KDM1B: variants seen among roughly 807,000 people sequenced by gnomAD.
The protein encoded by KDM1B is lysine demethylase 1B, also known as lysine-specific histone demethylase 2.
In KDM1B, 63 loss-of-function variants were observed where a neutral mutation model predicts 107.4. The observed-to-expected ratio is 0.59, with a 90% CI of 0.48 to 0.72. The LOEUF is 0.72. Ranked by LOEUF, KDM1B falls within the 30% of genes least tolerant of loss-of-function variation. KDM1B has a pLI of 0.00. For missense variants in KDM1B, 749 were observed against 1,020.8 expected, an observed-to-expected ratio of 0.73 and a Z score of 3.63; for synonymous variants, 363 against 363.9, an observed-to-expected ratio of 1.00 and a Z score of 0.03.
chr6:18,222,271 C>T lies in KDM1B; in HGVS notation c.*279C>T. ...GCAGAATGTAAGTTTCAGTTGAGGC[C>T]ATGGATTTGATTGTTCCATGGCTGG... On this transcript the variant is annotated 3_prime_UTR_variant, in exon 22 of 22. Transcript: ENST00000650836. 5.7e-6 allele frequency: 3 copies of T among 524,398 alleles called. No homozygotes were observed. The highest frequency in any genetic ancestry group is 7.2e-6 in the Non-Finnish European group (2 of 276,924). The allele number at this position is 524,398 out of a possible 1,614,324, so 32.5% of individuals were successfully genotyped here. A position where few individuals can be genotyped will look rare whatever the true frequency, so the allele number is the denominator to read the frequency against.
chr6:18,177,828 T>G (rs1212812921), intron 7 of KDM1B, among the ~76,000 whole-genome samples: 1 of 152,178 alleles, frequency 6.6e-6, no homozygotes. Context: ...CTCATTGTTA[T>G]GTATTGGCTG....
chr6:18,216,855 A>G (rs1789272650), intron 20 of KDM1B, among the ~76,000 whole-genome samples: 2 of 152,238 alleles, frequency 1.3e-5, no homozygotes, highest in Admixed American at 1.3e-4. Flanking sequence ...TATCATAGGT[A>G]TGAATAGGAA....
chr6:18,166,198 T>C, intron 5 of KDM1B, 69 bp from the exon 6 acceptor site: 1 of 730,100 alleles, frequency 1.4e-6, no homozygotes, highest in Non-Finnish European at 2.4e-6. Context: ...CTGCCTCCTG[T>C]TTTGAAAAAC....
At chr6:18,208,340 A>G (rs1739137418) in intron 17 of KDM1B, 134 bp downstream of exon 17, 2 of 633,192 alleles carry the variant, frequency 3.2e-6, no homozygotes, top group Non-Finnish European at 5.6e-6. Context: ...CTGGTAAGTT[A>G]TGTATCTCTA....
chr6:18,219,259 T>TTTCTTGA (rs2151052244), intron 21 of KDM1B, among the ~76,000 whole-genome samples: 1 of 152,318 alleles, frequency 6.6e-6, no homozygotes, highest in Non-Finnish European at 1.5e-5. Context: ...GATCCGTCTC[T>TTTCTTGA]TTCTTGATTT....
chr6:18,216,734 C>T (rs113120712), intron 20 of KDM1B, among the ~76,000 whole-genome samples: 4 of 152,296 alleles, frequency 2.6e-5, no homozygotes, highest in Middle Eastern at 3.4e-3. Context: ...ACTCAGGAGT[C>T]ATCTCTGTTA....
chr6:18,201,518 A>T lies in KDM1B; in HGVS notation c.1392A>T (p.Arg464Ser). 2.6e-6 allele frequency: 4 copies of T among 1,550,078 alleles called. No individual in the cohort carries two copies. The highest frequency in any genetic ancestry group is 3.5e-6 in the Non-Finnish European group (4 of 1,146,846). The change falls in exon 14 of 22, where the codon AGA becomes AGT. Residue 464 changes from arginine (R) to serine (S), a missense_variant. By Grantham distance (110) the Arg-to-Ser change is moderately radical. Transcript: ENST00000650836. This position sits in a 1 kb window ranked among gnomAD's most constrained non-coding sequence, Gnocchi z 4.3. The part of the protein sequence containing the change: ...LGISMHKFGE[R>S]CDLIQEGGRI... ...TCAGCATGCATAAATTTGGAGAAAG[A>T]TGTGACTTAATTCAGGAAGGTGGAA...
intron 15 of KDM1B, among the ~76,000 whole-genome samples, chr6:18,206,931 T>G (rs2150997717): frequency 6.6e-6 from 1 of 152,334 alleles, no homozygotes; most frequent in Middle Eastern, 3.4e-3. Context: ...GTATTTTGAA[T>G]AGAACTCCAC....
rs887344966 is a variant in KDM1B, at chr6:18,186,472, C to T, written c.573+662C>T. On this transcript the variant is annotated intron_variant, in intron 8 of 21. Coordinates refer to ENST00000650836, the MANE Select transcript of KDM1B (RefSeq NM_001364614.2). The surrounding 1 kb of genome is among the most constrained non-coding windows in gnomAD (Gnocchi z 5.6). ...TTCAGTGATTCAGGATTGGATTGTT[C>T]TAGATGTCTGAAACTCAGGAACTAC... Among the ~76,000 whole-genome samples the T allele has an allele frequency of 6.6e-6, 1 of 152,096 alleles. No individual in the cohort carries two copies. The highest frequency in any genetic ancestry group is 2.4e-5 in the African/African-American group (1 of 41,396).
At chr6:18,177,164 G>A (rs896034242) in intron 7 of KDM1B, among the ~76,000 whole-genome samples, 1 of 152,002 alleles carries the variant, frequency 6.6e-6, no homozygotes, top group African/African-American at 2.4e-5. Context: ...GCCTGTTCAG[G>A]GTATCTAATC....
intron 7 of KDM1B, among the ~76,000 whole-genome samples, chr6:18,179,828 A>C (rs1484642650): frequency 2.3e-5 from 3 of 131,798 alleles, no homozygotes; most frequent in Non-Finnish European, 4.8e-5. Flanking sequence ...AAAATCTTTC[A>C]ATTTAGCATT....
chr6:18,180,211 G>C (rs542481057), intron 7 of KDM1B, among the ~76,000 whole-genome samples: 17 of 151,978 alleles, frequency 1.1e-4, no homozygotes, highest in African/African-American at 4.1e-4. Context: ...TCCAGGCTGC[G>C]TGGCTGCACT....
intron 10 of KDM1B, among the ~76,000 whole-genome samples, chr6:18,195,057 G>A (rs1281969472): frequency 6.6e-6 from 1 of 152,176 alleles, no homozygotes; most frequent in African/African-American, 2.4e-5. Flanking sequence ...GGCCTTTTAT[G>A]ACTGGCTTCT....
At chr6:18,188,122 T>C (rs1786998909) in intron 9 of KDM1B, 120 bp downstream of exon 9, 2 of 895,272 alleles carry the variant, frequency 2.2e-6, no homozygotes, top group Non-Finnish European at 3.4e-6. Flanking sequence ...CAGTGGCTCA[T>C]GCCTGTAATC....
Position 18,208,188 on chromosome 6 carries a change from A to C in KDM1B, c.1848A>C (p.Thr616=), listed in dbSNP as rs1480413793. Residue 616 remains threonine (T), a synonymous_variant, in exon 17 of 22, where the codon ACA becomes ACC. Transcript: ENST00000650836. ...TGCAGGTTACCACTACAGATGGCAC[A>C]GGGTATTCTGCACAAAAGGTAAGAG... ...DEVQVTTTDG[T]GYSAQKVLVT... The C allele has an allele frequency of 6.2e-7, 1 of 1,613,454 alleles. No homozygotes were observed.
Position 18,166,330 on chromosome 6 carries a change from C to G in KDM1B, c.369C>G (p.Thr123=), listed in dbSNP as rs377100984. Residue 123 remains threonine (T), a synonymous_variant, in exon 6 of 22, where the codon ACC becomes ACG. Coordinates refer to ENST00000650836, the MANE Select transcript of KDM1B (RefSeq NM_001364614.2). ...AAATATGGACTAGCAATGGCAAAAC[C>G]GAACCTAGTCCCAAAGCTTTCATGG... ...WKKIWTSNGK[T]EPSPKAFMAD... 6.2e-7 allele frequency: 1 copy of G among 1,613,356 alleles called. No homozygotes were observed. Among genetic ancestry groups the G allele is most frequent in the South Asian group, 1.1e-5 (1 of 91,064 alleles).
At chr6:18,219,340 AAAGAT>A (rs1159774509) in intron 21 of KDM1B, among the ~76,000 whole-genome samples, 1 of 152,168 alleles carries the variant, frequency 6.6e-6, no homozygotes, top group African/African-American at 2.4e-5. Flanking sequence ...CTGCTAAAAT[AAAGAT>A]GAGTTTTTTC....
At chr6:18,187,027 AT>A (rs66697834) in intron 8 of KDM1B, among the ~76,000 whole-genome samples, 51,253 of 149,076 alleles carry the variant, frequency 0.34, 10,735 homozygotes, top group African/African-American at 0.59. Flanking sequence ...CAGAATAGAC[AT>A]TTTTTTTTTC....
At chr6:18,171,533 T>C in intron 7 of KDM1B, 54 bp downstream of exon 7, 1 of 922,998 alleles carries the variant, frequency 1.1e-6, no homozygotes, top group East Asian at 2.4e-5. Flanking sequence ...AGTCAGTAAA[T>C]AGTAATGGTG....
Sources: gnomAD v4.1 joint callset for allele counts (sites outside exome capture counted in the v4.1 genomes callset) on GRCh38, gnomAD v4.1.1 for gene constraint, Gnocchi (gnomAD v3.1) non-coding constraint, MANE v1.5 for transcripts, NCBI Gene and HGNC (gene_info 2026-07-23, HGNC 2026-07-21) for gene names.